The following RFX2 variants were observed in gnomAD, a reference collection of about 807,000 sequenced individuals.
The protein encoded by RFX2 is regulatory factor X2.
RFX2 carries 20 observed loss-of-function variants against 87.8 expected under a neutral mutation model. The observed-to-expected ratio is 0.23, with a 90% CI of 0.16 to 0.33. RFX2 has a LOEUF of 0.33. RFX2 is among the 10% of genes least tolerant of loss of function. The pLI is 1.00. For synonymous variants in RFX2, 397 were observed against 431.3 expected (o/e 0.92, Z 0.98); for missense variants, 767 against 1,012.3 (o/e 0.76, Z 3.29).
In RFX2 at chr19:6,022,042, G is replaced by A. The variant is rs950820219; in HGVS notation, c.597+4121C>T. Among the ~76,000 whole-genome samples, 1 of 152,166 alleles carries A rather than the reference G, an allele frequency of 6.6e-6. No individual in the cohort carries two copies. Among genetic ancestry groups the A allele is most frequent in the African/African-American group, 2.4e-5 (1 of 41,446 alleles). On this transcript the variant is annotated intron_variant, in intron 6 of 17. Coordinates refer to ENST00000303657, the MANE Select transcript of RFX2 (RefSeq NM_000635.4). This position sits in a 1 kb window ranked among gnomAD's most constrained non-coding sequence, Gnocchi z 6.2. The stretch of plus-strand genomic sequence containing the variant: ...TGGGGGTGGGCATGAGAGGAGCAAG[G>A]AGGCGAGGACGCAGTGGGGTTGGGG...
intron 5 of RFX2, among the ~76,000 whole-genome samples, chr19:6,029,302 T>A (rs1315496972): frequency 6.8e-6 from 1 of 146,718 alleles, no homozygotes; most frequent in Non-Finnish European, 1.5e-5. Flanking sequence ...AATAAATAAA[T>A]AGGACTATCT....
rs991699247 is a variant in RFX2 at position 6,095,734 on chromosome 19, C to G, written c.-9+14659G>C. Among the ~76,000 whole-genome samples, 9 of 152,290 alleles carry G rather than the reference C, an allele frequency of 5.9e-5. 1 individual carries two copies. The highest frequency in any genetic ancestry group is 1.3e-4 in the Admixed American group (2 of 15,294). ...ACGAATGCGAGTCAGAGCCCCTGGA[C>G]TGCACCACAGGGGCAGAGGTCAGGA... On this transcript the variant is annotated intron_variant, in intron 1 of 17. Coordinates refer to ENST00000303657, the MANE Select transcript of RFX2 (RefSeq NM_000635.4).
chr19:6,100,862 GATTTA>G (rs200441365), intron 1 of RFX2, among the ~76,000 whole-genome samples: 7 of 140,240 alleles, frequency 5.0e-5, no homozygotes, highest in African/African-American at 1.9e-4. Flanking sequence ...GAATTATATT[GATTTA>G]ATTGAATTAA....
intron 1 of RFX2, chr19:6,068,401 C>T (rs994431691): frequency 6.6e-5 from 10 of 152,152 alleles, no homozygotes; most frequent in African/African-American, 2.4e-4. Context: ...AGGATAGGAG[C>T]ATATGGACAG....
Position 6,008,183 on chromosome 19 carries a change from C to T in RFX2, c.1057G>A (p.Gly353Ser), listed in dbSNP as rs1294998283. 1 of 1,561,070 alleles carries T rather than the reference C, an allele frequency of 6.4e-7. No individual in the cohort carries two copies. The highest frequency in any genetic ancestry group is 1.2e-5 in the South Asian group (1 of 85,010). The change falls in exon 10 of 18, where the codon GGC becomes AGC. Residue 353 changes from glycine to serine, a missense_variant. Physicochemically the swap from Gly to Ser is moderately conservative, Grantham distance 56. Around this residue, in one of 2 missense-constraint regions of RFX2, gnomAD observed 621 missense variants for 873.0 expected, o/e 0.71. Coordinates refer to ENST00000303657, the MANE Select transcript of RFX2 (RefSeq NM_000635.4). ...ACGCCGTCCTGCAGCAGGAAGCTGC[C>T]CAGGTCGGGCGCTGGGAACTCGGGG... is the stretch of plus-strand genomic sequence containing the variant. ...VFPEFPAPDL[G>S]SFLLQDGVTL...
chr19:6,099,054 A>T (rs1192382642), intron 1 of RFX2, among the ~76,000 whole-genome samples: 4 of 152,066 alleles, frequency 2.6e-5, no homozygotes, highest in Non-Finnish European at 5.9e-5. Context: ...AAAAAGGAGA[A>T]TTCATTGGTT....
chr19:5,994,211 C>A lies in RFX2; in HGVS notation c.*624G>T, dbSNP rs1479568624. On this transcript the variant is annotated 3_prime_UTR_variant, in exon 18 of 18. Transcript: ENST00000303657. ...AGATGGGTTCCTGCAGCACAGCCGGCCTCCCGCCTCGGGGCATCCGGCAGG... is the reference window on the plus strand; with the variant it reads ...AGATGGGTTCCTGCAGCACAGCCGGACTCCCGCCTCGGGGCATCCGGCAGG... 6.6e-6 allele frequency: 1 copy of A among 152,296 alleles called. No individual in the cohort carries two copies. Among genetic ancestry groups the A allele is most frequent in the Non-Finnish European group, 1.5e-5 (1 of 68,102 alleles). 9.4% of individuals were successfully genotyped at this position (152,296 alleles called of 1,614,324 possible).
At chr19:6,096,282 G>C (rs1041501663) in intron 1 of RFX2, among the ~76,000 whole-genome samples, 2 of 152,186 alleles carry the variant, frequency 1.3e-5, no homozygotes, top group East Asian at 3.8e-4. Context: ...TGCTAATGAA[G>C]AGTAGCCAAC....
intron 5 of RFX2, among the ~76,000 whole-genome samples, chr19:6,038,341 A>AC (rs1281374577): frequency 3.3e-5 from 5 of 150,520 alleles, no homozygotes; most frequent in Admixed American, 6.6e-5. Flanking sequence ...AAAAAAAAAA[A>AC]AAAAAAAAAA....
In RFX2 at chr19:6,008,108, C is replaced by G; in HGVS notation, c.1132G>C (p.Glu378Gln). The G allele has an allele frequency of 6.5e-7, 1 of 1,549,694 alleles. No individual in the cohort carries two copies. Among genetic ancestry groups the G allele is most frequent in the Non-Finnish European group, 8.7e-7 (1 of 1,145,746 alleles). ...ALQLVYRRHC[E>Q]ATVDVVMNLQ... ...CCTGCCTGGGCTGGGGCGGTCACCT[C>G]GCAGTGCCGTCTGTACACCAGCTGC... is the stretch of plus-strand genomic sequence containing the variant. Residue 378 changes from glutamate (E) to glutamine (Q), a missense_variant and splice_region_variant, in exon 10 of 18, where the codon GAG (glutamate) becomes CAG (glutamine). Physicochemically the swap from Glu to Gln is conservative, Grantham distance 29 (BLOSUM62 2). Transcript: ENST00000303657.
In RFX2 at chr19:6,022,070, C is replaced by T. The variant is rs1449649874; in HGVS notation, c.597+4093G>A. ...GCGAGGACGCAGTGGGGTTGGGGGC[C>T]GAGCGCCTGGAAGATTGGCTGCCCC... On this transcript the variant is annotated intron_variant, in intron 6 of 17. Coordinates refer to ENST00000303657, the MANE Select transcript of RFX2 (RefSeq NM_000635.4). This position sits in a 1 kb window ranked among gnomAD's most constrained non-coding sequence, Gnocchi z 6.2. 3.9e-5 allele frequency among the ~76,000 whole-genome samples: 6 copies of T among 152,030 alleles called. No homozygotes were observed. The highest frequency in any genetic ancestry group is 6.6e-5 in the Admixed American group (1 of 15,252).
At chr19:6,069,245 T>C (rs1276773181) in intron 1 of RFX2, among the ~76,000 whole-genome samples, 4 of 152,100 alleles carry the variant, frequency 2.6e-5, no homozygotes, top group Admixed American at 2.0e-4. Context: ...CATCAGTGTA[T>C]AGAATATATG....
chr19:6,005,029 G>C (rs1393257621), intron 12 of RFX2, among the ~76,000 whole-genome samples: 1 of 152,130 alleles, frequency 6.6e-6, no homozygotes, highest in Admixed American at 6.6e-5. Context: ...TGAGGCAGGA[G>C]AATCACTTGA....
chr19:6,087,569 C>T (rs2087871109), intron 1 of RFX2, among the ~76,000 whole-genome samples: 1 of 152,172 alleles, frequency 6.6e-6, no homozygotes, highest in Admixed American at 6.5e-5. Flanking sequence ...GTTCCACAGC[C>T]AGGCATTAAG....
At chr19:6,081,386 G>A (rs770661614) in intron 1 of RFX2, among the ~76,000 whole-genome samples, 5 of 152,184 alleles carry the variant, frequency 3.3e-5, no homozygotes, top group East Asian at 3.8e-4. Context: ...CTGTGGAACC[G>A]GGGAAGGAAT....
chr19:6,042,917 A>T (rs1228966897), intron 3 of RFX2, among the ~76,000 whole-genome samples: 1 of 152,150 alleles, frequency 6.6e-6, no homozygotes, highest in African/African-American at 2.4e-5. Flanking sequence ...TTGGGGTGAG[A>T]AGATGGAGGG....
chr19:6,052,470 C>T (rs1186777326), intron 1 of RFX2, among the ~76,000 whole-genome samples: 1 of 152,004 alleles, frequency 6.6e-6, no homozygotes, highest in Admixed American at 6.5e-5. Context: ...ATTTTGATTA[C>T]TGAATCAAAA....
At chr19:6,009,298 G>A (rs1016020966) in intron 9 of RFX2, among the ~76,000 whole-genome samples, 5 of 152,214 alleles carry the variant, frequency 3.3e-5, no homozygotes, top group Admixed American at 2.6e-4. Flanking sequence ...GAGCCCACCT[G>A]AATCATGACA....
intron 1 of RFX2, among the ~76,000 whole-genome samples, chr19:6,106,640 A>C (rs181533651): frequency 1.3e-5 from 2 of 152,214 alleles, no homozygotes; most frequent in Non-Finnish European, 2.9e-5. Context: ...ACAGACTCGC[A>C]TTCTCCTCCC....
Sources: gnomAD v4.1 joint callset for allele counts (sites outside exome capture counted in the v4.1 genomes callset) on GRCh38, gnomAD v4.1.1 for gene constraint, gnomAD v4.1.1 regional missense constraint, Gnocchi (gnomAD v3.1) non-coding constraint, MANE v1.5 for transcripts, NCBI Gene and HGNC (gene_info 2026-07-23, HGNC 2026-07-21) for gene names.